Variants in ERBB4 observed in about 807,000 individuals in gnomAD.
The protein encoded by ERBB4 is receptor tyrosine-protein kinase erbB-4.
In ERBB4, 42 loss-of-function variants were observed where a neutral mutation model predicts 158.0. That is an observed-to-expected ratio of 0.27 (90% confidence interval 0.21 to 0.34). The LOEUF (loss-of-function observed/expected upper bound fraction) is 0.34, where lower values mean the gene tolerates loss of function less well. ERBB4 is among the 10% of genes least tolerant of loss of function. ERBB4 has a pLI of 1.00. For missense variants in ERBB4, 1,333 were observed against 1,624.1 expected, an observed-to-expected ratio of 0.82 and a Z score of 3.08; for synonymous variants, 583 against 558.7, an observed-to-expected ratio of 1.04 and a Z score of -0.61.
intron 25 of ERBB4, among the ~76,000 whole-genome samples, chr2:211,392,578 ACACACACACACACACACACACACC>A (rs2062822313): frequency 6.6e-6 from 1 of 150,476 alleles, no homozygotes; most frequent in South Asian, 2.2e-4. Flanking sequence ...ACACACACAC[ACACACACACACACACACACACACC>A]CCAATAATGA....
chr2:211,735,529 C>T (rs575603637), intron 5 of ERBB4, among the ~76,000 whole-genome samples: 5 of 152,230 alleles, frequency 3.3e-5, no homozygotes, highest in African/African-American at 9.6e-5. Context: ...TGATCAAACA[C>T]GTGTCTGCAT....
rs368300701 is a variant in ERBB4 at position 211,764,494 on chromosome 2, C to T, written c.557-13790G>A. 8.5e-5 allele frequency among the ~76,000 whole-genome samples: 13 copies of T among 152,250 alleles called. No homozygotes were observed. In the East Asian group the frequency reaches 2.5e-3, roughly 29 times the overall value. On this transcript the variant is annotated intron_variant, in intron 4 of 27. Transcript: ENST00000342788. ...AGGTAGTTATAGCTTAAATATATTA[C>T]AATTTTATTATGTACAAGGCATGGT... is the stretch of plus-strand genomic sequence containing the variant.
intron 20 of ERBB4, among the ~76,000 whole-genome samples, chr2:211,551,330 A>T (rs1326170938): frequency 2.0e-5 from 3 of 152,182 alleles, no homozygotes; most frequent in African/African-American, 7.2e-5. Flanking sequence ...ATAATAAGCT[A>T]TCATCTTTTT....
chr2:212,463,617 AG>A (rs1688683667), intron 1 of ERBB4, among the ~76,000 whole-genome samples: 1 of 150,682 alleles, frequency 6.6e-6, no homozygotes. Flanking sequence ...AAAGAAAAAA[AG>A]CCTCAGAAGA....
chr2:211,645,775 G>A (rs1041729995), intron 16 of ERBB4, among the ~76,000 whole-genome samples: 2 of 151,590 alleles, frequency 1.3e-5, no homozygotes, highest in African/African-American at 4.8e-5. Flanking sequence ...TAATTCAAAT[G>A]TTTTTAAACT....
chr2:212,375,689 C>G (rs1316929630), intron 1 of ERBB4, among the ~76,000 whole-genome samples: 1 of 151,866 alleles, frequency 6.6e-6, no homozygotes, highest in Admixed American at 6.6e-5. Flanking sequence ...ATTTTTGTAC[C>G]AAAATAAACT....
chr2:211,515,300 C>T (rs1280911186), intron 20 of ERBB4, among the ~76,000 whole-genome samples: 1 of 151,960 alleles, frequency 6.6e-6, no homozygotes, highest in African/African-American at 2.4e-5. Flanking sequence ...AAGGGTGTGA[C>T]ACAGAAGTAA....
chr2:212,251,878 G>A (rs1316289211), intron 1 of ERBB4, among the ~76,000 whole-genome samples: 1 of 151,890 alleles, frequency 6.6e-6, no homozygotes, highest in Non-Finnish European at 1.5e-5. Context: ...GCCATGGTCT[G>A]ATTTACATTT....
chr2:212,233,104 T>C (rs2083725886), intron 1 of ERBB4, among the ~76,000 whole-genome samples: 1 of 152,194 alleles, frequency 6.6e-6, no homozygotes, highest in South Asian at 2.1e-4. Context: ...GACATGCTAT[T>C]GGATTCCTTT....
intron 1 of ERBB4, among the ~76,000 whole-genome samples, chr2:212,336,093 G>T (rs534981189): frequency 6.6e-6 from 1 of 151,868 alleles, no homozygotes; most frequent in Non-Finnish European, 1.5e-5. Flanking sequence ...GATACATGGC[G>T]GAGGGTCGTA....
At chr2:212,069,667 T>C (rs2078053400) in intron 2 of ERBB4, among the ~76,000 whole-genome samples, 1 of 152,050 alleles carries the variant, frequency 6.6e-6, no homozygotes, top group South Asian at 2.1e-4. Flanking sequence ...TATATAAACA[T>C]TTTACGAAAT....
chr2:212,170,775 G>A (rs145110659), intron 1 of ERBB4, among the ~76,000 whole-genome samples: 255 of 152,258 alleles, frequency 1.7e-3, no homozygotes, highest in African/African-American at 5.8e-3. Context: ...AAGAATTGAG[G>A]TTTGGGAACC....
At chr2:212,016,154 A>ATATT (rs2076524752) in intron 2 of ERBB4, among the ~76,000 whole-genome samples, 1 of 150,726 alleles carries the variant, frequency 6.6e-6, no homozygotes, top group African/African-American at 2.4e-5. Flanking sequence ...ATATATATAT[A>ATATT]TTTTAACTTT....
intron 11 of ERBB4, among the ~76,000 whole-genome samples, chr2:211,703,454 A>G (rs1351915732): frequency 6.6e-6 from 1 of 152,204 alleles, no homozygotes; most frequent in Non-Finnish European, 1.5e-5. Flanking sequence ...AAGTTTGGAG[A>G]TATTTTGAAC....
At chr2:211,396,006 CTAAGAA>C (rs920964641) in intron 25 of ERBB4, among the ~76,000 whole-genome samples, 3 of 150,414 alleles carry the variant, frequency 2.0e-5, no homozygotes, top group African/African-American at 4.9e-5. Context: ...CAGGTTTGAA[CTAAGAA>C]TAAGAAAAAA....
At chr2:211,527,291 C>T (rs559795498) in intron 20 of ERBB4, among the ~76,000 whole-genome samples, 1 of 151,988 alleles carries the variant, frequency 6.6e-6, no homozygotes, top group East Asian at 1.9e-4. Context: ...AGTGGCATGA[C>T]ATATTTAATG....
At chr2:212,066,188 T>C (rs1259641158) in intron 2 of ERBB4, among the ~76,000 whole-genome samples, 1 of 151,928 alleles carries the variant, frequency 6.6e-6, no homozygotes, top group Non-Finnish European at 1.5e-5. Context: ...TTTAAAGTCC[T>C]CTGGCTGGCT....
chr2:211,988,555 A>G (rs1235362626), intron 2 of ERBB4, among the ~76,000 whole-genome samples: 1 of 152,100 alleles, frequency 6.6e-6, no homozygotes, highest in African/African-American at 2.4e-5. Flanking sequence ...CTTTGCCCAC[A>G]TCTAGGCTCT....
chr2:211,962,909 T>C (rs1156266070), intron 2 of ERBB4, among the ~76,000 whole-genome samples: 1 of 152,156 alleles, frequency 6.6e-6, no homozygotes, highest in African/African-American at 2.4e-5. Context: ...CTTTCGGTTA[T>C]CTGATGTTAA....
Sources: gnomAD v4.1 joint callset for allele counts (sites outside exome capture counted in the v4.1 genomes callset) on GRCh38, gnomAD v4.1.1 for gene constraint, MANE v1.5 for transcripts, NCBI Gene and HGNC (gene_info 2026-07-23, HGNC 2026-07-21) for gene names.